Variants in PRKG1 observed in about 807,000 individuals in gnomAD.
PRKG1 encodes cGMP-dependent protein kinase 1.
In PRKG1, 35 loss-of-function variants were observed where a neutral mutation model predicts 88.1. The observed-to-expected ratio is 0.40, with a 90% confidence interval of 0.30 to 0.53. PRKG1 has a LOEUF of 0.53. PRKG1 is among the 20% of genes least tolerant of loss of function. The pLI is 0.59. For synonymous variants in PRKG1, 303 were observed against 292.5 expected, an observed-to-expected ratio of 1.04 and a Z score of -0.37; for missense variants, 540 against 839.8, an observed-to-expected ratio of 0.64 and a Z score of 4.41.
At chr10:52,287,551 A>G (rs1406472392) in intron 14 of PRKG1, among the ~76,000 whole-genome samples, 1 of 152,096 alleles carries the variant, frequency 6.6e-6, no homozygotes, top group Non-Finnish European at 1.5e-5. Context: ...TGTATTAAAG[A>G]GAGTAATTAA....
intron 5 of PRKG1, among the ~76,000 whole-genome samples, chr10:51,958,294 A>G (rs187462056): frequency 2.0e-5 from 3 of 150,648 alleles, no homozygotes; most frequent in African/African-American, 7.2e-5. Flanking sequence ...TCAAGAAAAA[A>G]GACCTTAGAA....
intron 5 of PRKG1, among the ~76,000 whole-genome samples, chr10:51,938,411 A>G (rs966371728): frequency 1.8e-4 from 27 of 151,984 alleles, no homozygotes; most frequent in Admixed American, 3.9e-4. Flanking sequence ...TGTATCCCCT[A>G]TGGATAAGAG....
At chr10:51,093,599 A>C (rs2131868549) in intron 1 of PRKG1, among the ~76,000 whole-genome samples, 1 of 137,332 alleles carries the variant, frequency 7.3e-6, no homozygotes, top group South Asian at 2.4e-4. Flanking sequence ...TTTAATGTCA[A>C]CTCTTGTTTT....
intron 9 of PRKG1, among the ~76,000 whole-genome samples, chr10:52,171,958 G>A (rs966956449): frequency 2.0e-5 from 3 of 150,068 alleles, no homozygotes; most frequent in East Asian, 1.9e-4. Flanking sequence ...GCCCGCCACC[G>A]CGCCCGGCTA....
intron 2 of PRKG1, among the ~76,000 whole-genome samples, chr10:51,328,393 G>A (rs1359399701): frequency 2.0e-5 from 3 of 152,082 alleles, no homozygotes; most frequent in Non-Finnish European, 2.9e-5. Context: ...TGGACACTTC[G>A]GTTGATTCCA....
intron 9 of PRKG1, among the ~76,000 whole-genome samples, chr10:52,170,147 A>G (rs1838625147): frequency 6.6e-6 from 1 of 152,216 alleles, no homozygotes; most frequent in African/African-American, 2.4e-5. Context: ...AAATTTGTCC[A>G]TAAACTATTT....
At chr10:51,705,062 T>C (rs891807826) in intron 3 of PRKG1, among the ~76,000 whole-genome samples, 6 of 152,186 alleles carry the variant, frequency 3.9e-5, no homozygotes, top group South Asian at 2.1e-4. Flanking sequence ...CATATTCTCC[T>C]CTGGCTAAAT....
At chr10:51,155,746 C>T (rs181110117) in intron 2 of PRKG1, among the ~76,000 whole-genome samples, 9 of 152,032 alleles carry the variant, frequency 5.9e-5, no homozygotes, top group Admixed American at 2.6e-4. Flanking sequence ...GTCTGAAAGC[C>T]GTCTGCTGAC....
At chr10:51,559,392 G>A (rs939650627) in intron 3 of PRKG1, among the ~76,000 whole-genome samples, 3 of 152,114 alleles carry the variant, frequency 2.0e-5, no homozygotes, top group African/African-American at 4.8e-5. Flanking sequence ...GATTGCATTA[G>A]AGGTGACTGT....
At chr10:51,325,635 A>G (rs1413143930) in intron 2 of PRKG1, among the ~76,000 whole-genome samples, 1 of 152,028 alleles carries the variant, frequency 6.6e-6, no homozygotes, top group Admixed American at 6.5e-5. Flanking sequence ...CCATTTTCCT[A>G]TATTTGCTTT....
At chr10:52,210,061 AT>A (rs1839926974) in intron 9 of PRKG1, among the ~76,000 whole-genome samples, 1 of 152,210 alleles carries the variant, frequency 6.6e-6, no homozygotes, top group South Asian at 2.1e-4. Flanking sequence ...TTCTGATTTG[AT>A]GTGAAGATTA....
Position 52,132,825 on chromosome 10 carries a change from A to G in PRKG1, c.936-1015A>G, listed in dbSNP as rs1401490359. 4.6e-5 allele frequency among the ~76,000 whole-genome samples: 7 copies of G among 152,202 alleles called. No individual in the cohort carries two copies. In the East Asian group the frequency reaches 1.3e-3, roughly 29 times the overall value. ...GGGTACATAGTAAGTGTACATTTTT[A>G]TGTGTACTTAGGTGTACATAGTAGG... On this transcript the variant is annotated intron_variant, in intron 7 of 17. Transcript: ENST00000373980.
At chr10:51,561,611 C>T (rs960437866) in intron 3 of PRKG1, among the ~76,000 whole-genome samples, 7 of 149,458 alleles carry the variant, frequency 4.7e-5, no homozygotes, top group East Asian at 2.0e-4. Flanking sequence ...AAGAAATGAT[C>T]GATACAGGTT....
intron 5 of PRKG1, among the ~76,000 whole-genome samples, chr10:52,003,673 G>A (rs1844656785): frequency 2.0e-5 from 3 of 152,210 alleles, no homozygotes; most frequent in Admixed American, 2.0e-4. Flanking sequence ...GTCTGGGGAA[G>A]CTACAGAAGA....
At chr10:51,311,484 T>A (rs1841184684) in intron 2 of PRKG1, among the ~76,000 whole-genome samples, 4 of 152,210 alleles carry the variant, frequency 2.6e-5, no homozygotes, top group Admixed American at 2.6e-4. Flanking sequence ...ACTAACTGAC[T>A]TGTCCGTGGA....
At position 51,858,405 on chromosome 10, in the gene PRKG1, TATAA is replaced by T. The variant is rs1213926502; in HGVS notation, c.699-49100_699-49097del. Among the ~76,000 whole-genome samples, 6 of 62,406 alleles carry T rather than the reference TATAA, an allele frequency of 9.6e-5. 1 individual carries two copies. The highest frequency in any genetic ancestry group is 1.5e-4 in the Non-Finnish European group (5 of 32,644). 40.9% of individuals were successfully genotyped at this position (62,406 alleles called of 152,430 possible). ...ATATATATATAATATATATAATATA[TATAA>T]AATATATATATAATATATATATATA... On this transcript the variant is annotated intron_variant, in intron 4 of 17. Transcript: ENST00000373980.
chr10:52,268,251 A>C (rs75362897), intron 10 of PRKG1, among the ~76,000 whole-genome samples: 6 of 152,128 alleles, frequency 3.9e-5, no homozygotes, highest in Non-Finnish European at 7.4e-5. Context: ...TTAGCAGTAT[A>C]GTTCTATAAA....
intron 3 of PRKG1, among the ~76,000 whole-genome samples, chr10:51,651,997 ATTTAG>A (rs996526662): frequency 4.6e-5 from 7 of 152,206 alleles, no homozygotes; most frequent in African/African-American, 1.7e-4. Context: ...GAATTACATT[ATTTAG>A]TTTAGAGAAG....
intron 2 of PRKG1, among the ~76,000 whole-genome samples, chr10:51,309,533 C>G (rs1406773454): frequency 1.3e-5 from 2 of 152,098 alleles, no homozygotes; most frequent in Non-Finnish European, 2.9e-5. Context: ...CAAATTAAAA[C>G]CACAATGAGT....
Sources: allele counts gnomAD v4.1 joint callset (sites outside exome capture counted in the v4.1 genomes callset), GRCh38; gene constraint gnomAD v4.1.1; transcripts MANE v1.5; gene names NCBI Gene and HGNC (gene_info 2026-07-23, HGNC 2026-07-21).